Variants in CNTN6 observed in about 807,000 individuals in gnomAD.
CNTN6 encodes the protein contactin-6.
CNTN6 carries 137 observed loss-of-function variants against 122.8 expected under a neutral mutation model. The ratio of observed to expected loss-of-function variants is 1.12; its 90% CI spans 0.97 to 1.29. CNTN6 has a LOEUF of 1.29. Among genes scored for constraint, CNTN6 ranks in the 50% most tolerant of loss-of-function variants. The pLI, the probability that CNTN6 is intolerant of heterozygous loss-of-function variation, is 0.00. For missense variants in CNTN6, 1,634 were observed against 1,223.4 expected (o/e 1.34, Z -5.01); for synonymous variants, 570 against 426.0 (o/e 1.34, Z -4.16).
At chr3:1,273,270 T>C (rs982951363) in intron 4 of CNTN6, among the ~76,000 whole-genome samples, 2 of 152,192 alleles carry the variant, frequency 1.3e-5, no homozygotes, top group Non-Finnish European at 2.9e-5. Context: ...TATCTCCAAA[T>C]ATTATAGAAT....
At chr3:1,387,005 C>T (rs915111853) in intron 20 of CNTN6, among the ~76,000 whole-genome samples, 7 of 152,090 alleles carry the variant, frequency 4.6e-5, no homozygotes, top group African/African-American at 1.7e-4. Flanking sequence ...TTCCACACAA[C>T]CAGATCAACT....
chr3:1,297,852 C>T, intron 6 of CNTN6, 37 bp from the exon 7 acceptor site: 1 of 1,513,272 alleles, frequency 6.6e-7, no homozygotes, highest in Non-Finnish European at 9.1e-7. Context: ...AACTTCTATT[C>T]TCCAGAAATG....
At chr3:1,358,707 G>A (rs1479529) in intron 12 of CNTN6, among the ~76,000 whole-genome samples, 69,437 of 151,742 alleles carry the variant, frequency 0.46, 18,232 homozygotes, top group African/African-American at 0.71. Context: ...AACATGAAAC[G>A]TTCAGAAGAA....
rs536356594 is a variant in CNTN6 at position 1,124,282 on chromosome 3, C to T, written c.-82-23645C>T. 3.3e-5 allele frequency among the ~76,000 whole-genome samples: 5 copies of T among 151,910 alleles called. No homozygotes were observed. The South Asian group carries it at 1.0e-3, about 32-fold the overall frequency. ...GCCAACACCACCCAGATTGAGAAAC[C>T]CTGAATTATACCAACCCTGCTACTA... On this transcript the variant is annotated intron_variant, in intron 1 of 22. Transcript: ENST00000446702.
chr3:1,403,399 C>T lies in CNTN6; in HGVS notation c.3068C>T (p.Ala1023Val). ...SIVIVIFHCF[A>V]IQPLI The stretch of plus-strand genomic sequence containing the variant: ...GTCATTGTGATTTTTCACTGTTTTG[C>T]TATTCAGCCACTTATCTGATGAATA... Residue 1023 changes from alanine (A) to valine (V), a missense_variant, in exon 23 of 23, where the codon GCT (alanine) becomes GTT (valine). Transcript: ENST00000446702. 1 of 1,607,850 alleles carries T rather than the reference C, an allele frequency of 6.2e-7. No homozygotes were observed.
At chr3:1,384,148 T>A (rs1692384161) in intron 19 of CNTN6, among the ~76,000 whole-genome samples, 1 of 152,226 alleles carries the variant, frequency 6.6e-6, no homozygotes, top group Non-Finnish European at 1.5e-5. Flanking sequence ...GCTGTACAAC[T>A]GTGCACACAG....
At chr3:1,147,899 C>A in intron 1 of CNTN6, 28 bp from the exon 2 acceptor site, 1 of 685,264 alleles carries the variant, frequency 1.5e-6, no homozygotes, top group Non-Finnish European at 2.6e-6. Flanking sequence ...GTACGTTTTT[C>A]ATTTCATGAC....
At chr3:1,224,889 G>A (rs1160724761) in intron 3 of CNTN6, among the ~76,000 whole-genome samples, 3 of 152,150 alleles carry the variant, frequency 2.0e-5, no homozygotes, top group Non-Finnish European at 4.4e-5. Flanking sequence ...GGGATTACAG[G>A]CGTGTGCCAC....
chr3:1,121,596 AT>A (rs1446303421), intron 1 of CNTN6, among the ~76,000 whole-genome samples: 3 of 151,922 alleles, frequency 2.0e-5, no homozygotes, highest in Admixed American at 6.6e-5. Context: ...ATCTTTGTAT[AT>A]AGTCAGAATG....
At chr3:1,222,488 TA>T (rs1345570680) in intron 3 of CNTN6, among the ~76,000 whole-genome samples, 2 of 152,148 alleles carry the variant, frequency 1.3e-5, no homozygotes, top group African/African-American at 4.8e-5. Flanking sequence ...CATATTTATA[TA>T]AAAAATCTAT....
chr3:1,263,732 C>T (rs945236474), intron 4 of CNTN6, among the ~76,000 whole-genome samples: 8 of 151,850 alleles, frequency 5.3e-5, no homozygotes, highest in African/African-American at 1.7e-4. Context: ...ACTGAACTCG[C>T]GGGAAAACAA....
intron 2 of CNTN6, among the ~76,000 whole-genome samples, chr3:1,180,827 C>T (rs1474589864): frequency 3.3e-5 from 5 of 152,170 alleles, no homozygotes; most frequent in Admixed American, 6.6e-5. Flanking sequence ...TGGATAACAA[C>T]GCCTCCCTCA....
At chr3:1,184,395 T>G (rs1489656468) in intron 2 of CNTN6, among the ~76,000 whole-genome samples, 3 of 152,194 alleles carry the variant, frequency 2.0e-5, no homozygotes, top group Non-Finnish European at 2.9e-5. Flanking sequence ...GTAACGCTCA[T>G]ATGATAGGAT....
At chr3:1,181,288 T>G (rs755905069) in intron 2 of CNTN6, among the ~76,000 whole-genome samples, 1 of 152,166 alleles carries the variant, frequency 6.6e-6, no homozygotes, top group African/African-American at 2.4e-5. Context: ...CACAACTCAC[T>G]TACTCACATC....
At chr3:1,373,326 G>A (rs1709368065) in intron 14 of CNTN6, among the ~76,000 whole-genome samples, 1 of 152,220 alleles carries the variant, frequency 6.6e-6, no homozygotes, top group East Asian at 1.9e-4. Context: ...TAGATTTTAA[G>A]AGGAATTAAA....
chr3:1,375,082 T>C (rs574156722), intron 16 of CNTN6, among the ~76,000 whole-genome samples: 2 of 152,150 alleles, frequency 1.3e-5, no homozygotes, highest in East Asian at 3.9e-4. Flanking sequence ...AGGATCTTAA[T>C]GTAGATGAGC....
chr3:1,200,710 T>C (rs13086228), intron 2 of CNTN6, among the ~76,000 whole-genome samples: 7 of 152,294 alleles, frequency 4.6e-5, no homozygotes, highest in African/African-American at 1.7e-4. Context: ...GTAAAATTTA[T>C]GTCTCCCAAA....
intron 14 of CNTN6, 26 bp from the exon 15 acceptor site, chr3:1,373,578 A>G (rs200530069): frequency 1.2e-6 from 2 of 1,607,194 alleles, no homozygotes; most frequent in Non-Finnish European, 1.7e-6. Context: ...TCTCCAATGG[A>G]GTCATGATAA....
chr3:1,169,721 G>T (rs1321226818), intron 2 of CNTN6, among the ~76,000 whole-genome samples: 2 of 152,112 alleles, frequency 1.3e-5, no homozygotes, highest in Non-Finnish European at 2.9e-5. Flanking sequence ...CAATTATGTA[G>T]ATAGCCTGCA....
Sources: allele counts gnomAD v4.1 joint callset (sites outside exome capture counted in the v4.1 genomes callset), GRCh38; gene constraint gnomAD v4.1.1; transcripts MANE v1.5; gene names NCBI Gene and HGNC (gene_info 2026-07-23, HGNC 2026-07-21).